SLC24A4: variants seen among roughly 807,000 people sequenced by gnomAD.
The protein encoded by SLC24A4 is solute carrier family 24 member 4.
A neutral mutation model predicts 79.0 loss-of-function variants in SLC24A4; 53 were observed. That is an observed-to-expected ratio of 0.67 (90% CI 0.54 to 0.84). The LOEUF is 0.84. Among genes scored for constraint, SLC24A4 ranks in the 40% least tolerant of loss-of-function variants. The pLI is 0.00. For missense variants in SLC24A4, 731 were observed against 822.0 expected (o/e 0.89, Z 1.35); for synonymous variants, 323 against 323.8 (o/e 1.00, Z 0.03).
rs527988093 is a variant in SLC24A4, at chr14:92,492,313, G to A, written c.1716+73G>A. On this transcript the variant is annotated intron_variant, in intron 16 of 16. Transcript: ENST00000532405. Reference sequence around the variant, plus strand: ...CATCTGATTCCGCCTCGTCACTTACGTGACTCTGTACACCCCTGTCACTTC... The same window carrying A: ...CATCTGATTCCGCCTCGTCACTTACATGACTCTGTACACCCCTGTCACTTC... 1.0e-3 allele frequency: 1,461 copies of A among 1,432,336 alleles called. 5 individuals are homozygous for A. Among genetic ancestry groups the A allele is most frequent in the Non-Finnish European group, 1.0e-3 (1,055 of 1,018,208 alleles). 88.7% of individuals were successfully genotyped at this position (1,432,336 alleles called of 1,614,324 possible). A position where few individuals can be genotyped will look rare whatever the true frequency, so the allele number is the denominator to read the frequency against.
At chr14:92,429,480 A>G (rs566588324) in intron 2 of SLC24A4, among the ~76,000 whole-genome samples, 4 of 152,372 alleles carry the variant, frequency 2.6e-5, no homozygotes, top group East Asian at 3.9e-4. Flanking sequence ...TTCAAGATCA[A>G]GGAATGTAAG....
rs780730095 is a variant in SLC24A4, at chr14:92,442,735, C to T, written c.501C>T (p.Asp167=). 18 of 1,613,898 alleles carry T rather than the reference C, an allele frequency of 1.1e-5. No individual in the cohort carries two copies. Among genetic ancestry groups the T allele is most frequent in the Middle Eastern group, 3.3e-4 (2 of 6,058 alleles). ...SVIGVFITHG[D]VGVGTIVGSA... is the part of the protein sequence containing the mutation. ...CAGGGGTGTTCATCACCCATGGGGA[C>T]GTCGGGGTGGGCACCATCGTGGGCT... Residue 167 remains aspartate (D), a synonymous_variant, in exon 6 of 17, where the codon GAC becomes GAT. Transcript: ENST00000532405.
chr14:92,439,189 G>C, intron 3 of SLC24A4, 146 bp from the exon 4 acceptor site: 1 of 629,288 alleles, frequency 1.6e-6, no homozygotes, highest in Non-Finnish European at 2.9e-6. Flanking sequence ...TTGAGGGAAC[G>C]AAATCTATGG....
At chr14:92,400,553 C>T (rs940751563) in intron 2 of SLC24A4, among the ~76,000 whole-genome samples, 26 of 151,964 alleles carry the variant, frequency 1.7e-4, no homozygotes, top group Admixed American at 1.6e-3. Context: ...TGGACACAGT[C>T]GCCTTCTTTG....
At chr14:92,359,554 G>T (rs775959825) in intron 2 of SLC24A4, among the ~76,000 whole-genome samples, 1 of 151,786 alleles carries the variant, frequency 6.6e-6, no homozygotes. Context: ...AGCCAAGATC[G>T]CACCATTACA....
chr14:92,359,293 AG>A (rs1249554943), intron 2 of SLC24A4, among the ~76,000 whole-genome samples: 1 of 151,058 alleles, frequency 6.6e-6, no homozygotes, highest in African/African-American at 2.5e-5. Context: ...AAAATGATCA[AG>A]TCCGGGCACA....
chr14:92,410,073 A>G (rs1023644040), intron 2 of SLC24A4, among the ~76,000 whole-genome samples: 2 of 152,224 alleles, frequency 1.3e-5, no homozygotes, highest in Non-Finnish European at 2.9e-5. Context: ...AAAGGTAACT[A>G]TTGGGTACTA....
chr14:92,324,237 G>A (rs1884984831), intron 1 of SLC24A4, among the ~76,000 whole-genome samples: 1 of 152,224 alleles, frequency 6.6e-6, no homozygotes, highest in African/African-American at 2.4e-5. Context: ...AACCGCTTCC[G>A]TCCCGGGAGT....
At chr14:92,332,136 G>A (rs189753812) in intron 2 of SLC24A4, among the ~76,000 whole-genome samples, 6 of 152,088 alleles carry the variant, frequency 3.9e-5, no homozygotes, top group Admixed American at 2.6e-4. Flanking sequence ...AAAAAAATTA[G>A]CCAGGCATCA....
intron 2 of SLC24A4, among the ~76,000 whole-genome samples, chr14:92,354,127 G>A (rs185552009): frequency 2.1e-4 from 32 of 152,202 alleles, no homozygotes; most frequent in African/African-American, 6.5e-4. Flanking sequence ...CTCCTGGCAA[G>A]CCTTGCCAGG....
intron 2 of SLC24A4, among the ~76,000 whole-genome samples, chr14:92,413,300 T>C (rs1184125866): frequency 6.6e-6 from 1 of 152,146 alleles, no homozygotes; most frequent in Non-Finnish European, 1.5e-5. Context: ...CCAGAACACC[T>C]GCCCAGAATT....
chr14:92,443,589 A>T, intron 7 of SLC24A4, 115 bp downstream of exon 7: 3 of 1,045,296 alleles, frequency 2.9e-6, no homozygotes, highest in Non-Finnish European at 4.3e-6. Context: ...AGCACACAAT[A>T]GTGGGGTGTG....
intron 12 of SLC24A4, among the ~76,000 whole-genome samples, chr14:92,471,916 A>G (rs562949124): frequency 6.5e-4 from 99 of 152,324 alleles, no homozygotes; most frequent in African/African-American, 2.2e-3. Context: ...ATTAGCAAAA[A>G]GTGAAAGTCA....
chr14:92,331,999 C>T (rs1457547806), intron 2 of SLC24A4, among the ~76,000 whole-genome samples: 1 of 152,120 alleles, frequency 6.6e-6, no homozygotes, highest in African/African-American at 2.4e-5. Flanking sequence ...GTTAAACAGG[C>T]CAGGTGTGGT....
At chr14:92,475,161 G>A (rs1252730070) in intron 12 of SLC24A4, among the ~76,000 whole-genome samples, 1 of 152,020 alleles carries the variant, frequency 6.6e-6, no homozygotes, top group Non-Finnish European at 1.5e-5. Flanking sequence ...CATGAGGACT[G>A]CTCCCCCAGT....
chr14:92,484,429 C>G (rs1895245597), intron 13 of SLC24A4: 1 of 985,362 alleles, frequency 1.0e-6, no homozygotes, highest in Non-Finnish European at 1.2e-6. Flanking sequence ...TCCCTTTCTT[C>G]TGGTACCTGC....
intron 2 of SLC24A4, among the ~76,000 whole-genome samples, chr14:92,355,100 A>G (rs1234680762): frequency 1.3e-5 from 2 of 152,114 alleles, no homozygotes; most frequent in East Asian, 3.9e-4. Context: ...CAACAACAAC[A>G]ACAACACAAA....
intron 2 of SLC24A4, among the ~76,000 whole-genome samples, chr14:92,393,083 G>A (rs374400003): frequency 6.6e-6 from 1 of 152,252 alleles, no homozygotes; most frequent in Non-Finnish European, 1.5e-5. Context: ...CTCTTCCACT[G>A]TGTGAGATCA....
chr14:92,451,587 T>C (rs534482766), intron 10 of SLC24A4: 2 of 152,254 alleles, frequency 1.3e-5, no homozygotes, highest in Non-Finnish European at 2.9e-5. Flanking sequence ...TCAGGCCCGA[T>C]CGAGCTGTTC....
Sources: gnomAD v4.1 joint callset for allele counts (sites outside exome capture counted in the v4.1 genomes callset) on GRCh38, gnomAD v4.1.1 for gene constraint, MANE v1.5 for transcripts, NCBI Gene and HGNC (gene_info 2026-07-23, HGNC 2026-07-21) for gene names.